The following SNTG2 variants were observed in gnomAD, a reference collection of about 807,000 sequenced individuals.
SNTG2 encodes the protein syntrophin gamma 2, also known as gamma-2-syntrophin.
A neutral mutation model predicts 70.9 loss-of-function variants in SNTG2; 74 were observed. That is an observed-to-expected ratio of 1.04 (90% CI 0.86 to 1.27). SNTG2 has a LOEUF of 1.27. SNTG2 is among the 50% of genes most tolerant of loss of function. The pLI is 0.00. For synonymous variants in SNTG2, 278 were observed against 273.8 expected, an observed-to-expected ratio of 1.02 and a Z score of -0.15; for missense variants, 717 against 690.7, an observed-to-expected ratio of 1.04 and a Z score of -0.43.
chr2:1,183,853 A>G (rs943335460), intron 8 of SNTG2, among the ~76,000 whole-genome samples: 2 of 152,260 alleles, frequency 1.3e-5, no homozygotes, highest in Non-Finnish European at 2.9e-5. Context: ...CATTAAAAAA[A>G]GAGTTTTTCC....
chr2:1,048,931 A>G (rs4488692), intron 1 of SNTG2, among the ~76,000 whole-genome samples: 22,294 of 152,116 alleles, frequency 0.15, 2,176 homozygotes, highest in African/African-American at 0.27. Context: ...ATCATGCTGC[A>G]CACCTTTCTA....
At chr2:985,948 A>G (rs1661299215) in intron 1 of SNTG2, among the ~76,000 whole-genome samples, 1 of 152,074 alleles carries the variant, frequency 6.6e-6, no homozygotes, top group Non-Finnish European at 1.5e-5. Context: ...TGGAGACCCA[A>G]CCTATTTTTA....
chr2:1,255,823 TATATATATAAATATATATAA>T (rs750209235), intron 12 of SNTG2, among the ~76,000 whole-genome samples: 24 of 73,286 alleles, frequency 3.3e-4, no homozygotes, highest in Admixed American at 7.7e-4. Flanking sequence ...GTTGTATGTA[TATATATATAAATATATATAA>T]ATATATATAA....
chr2:1,222,534 G>A (rs193273418), intron 9 of SNTG2, among the ~76,000 whole-genome samples: 1,679 of 125,642 alleles, frequency 0.013, 12 homozygotes, highest in African/African-American at 0.029. Context: ...TGCTGCTGGA[G>A]GTGCTGGATC....
At chr2:1,231,177 C>T (rs1192136124) in intron 9 of SNTG2, among the ~76,000 whole-genome samples, 1 of 151,766 alleles carries the variant, frequency 6.6e-6, no homozygotes, top group South Asian at 2.1e-4. Context: ...AGTGCCTCTT[C>T]CATAGGGTCA....
chr2:1,290,316 CCT>C (rs1491218848), intron 14 of SNTG2, among the ~76,000 whole-genome samples: 1 of 117,772 alleles, frequency 8.5e-6, no homozygotes, highest in Non-Finnish European at 1.9e-5. Flanking sequence ...AGTTCTACAT[CCT>C]TTTTTTTTTT....
chr2:1,164,866 A>T (rs1050516450), intron 6 of SNTG2, among the ~76,000 whole-genome samples: 4 of 152,252 alleles, frequency 2.6e-5, no homozygotes, highest in African/African-American at 9.6e-5. Context: ...GAGGAGGGTT[A>T]TGCATTATGG....
chr2:969,550 T>C (rs1431843358), intron 1 of SNTG2, among the ~76,000 whole-genome samples: 1 of 152,238 alleles, frequency 6.6e-6, no homozygotes, highest in Non-Finnish European at 1.5e-5. Context: ...AACAGTGTTA[T>C]CTAATTCTTA....
At position 1,337,059 on chromosome 2, in the gene SNTG2, T is replaced by G. The variant is rs140550834; in HGVS notation, c.1488+20684T>G. On this transcript the variant is annotated intron_variant, in intron 16 of 16. Coordinates refer to ENST00000308624, the MANE Select transcript of SNTG2 (RefSeq NM_018968.4). ...ATTGCTTTGGCCATAGTTTCTTTTC[T>G]TTTTTAGGTTGAATAATATTCCATT... 5.2e-3 allele frequency among the ~76,000 whole-genome samples: 795 copies of G among 152,290 alleles called. 7 individuals are homozygous for G. The highest frequency in any genetic ancestry group is 0.018 in the African/African-American group (743 of 41,576).
chr2:1,275,163 C>T (rs934623595), intron 14 of SNTG2, among the ~76,000 whole-genome samples: 48 of 152,322 alleles, frequency 3.2e-4, no homozygotes, highest in African/African-American at 9.6e-4. Flanking sequence ...CCCACCAGGG[C>T]GGAGCCATCA....
intron 8 of SNTG2, among the ~76,000 whole-genome samples, chr2:1,191,957 A>T (rs980813906): frequency 6.6e-6 from 1 of 152,148 alleles, no homozygotes; most frequent in African/African-American, 2.4e-5. Context: ...CTGATAGAAA[A>T]GTTGATAGAC....
At chr2:1,229,016 G>A (rs963637972) in intron 9 of SNTG2, among the ~76,000 whole-genome samples, 1 of 152,152 alleles carries the variant, frequency 6.6e-6, no homozygotes, top group Non-Finnish European at 1.5e-5. Context: ...GGCTTCAGGA[G>A]TGAAGCTGCA....
intron 2 of SNTG2, among the ~76,000 whole-genome samples, chr2:1,091,370 G>A (rs1372036432): frequency 6.6e-6 from 1 of 152,220 alleles, no homozygotes; most frequent in East Asian, 1.9e-4. Flanking sequence ...GGACAGCTTA[G>A]GGTGGAAAAG....
chr2:1,279,171 C>A (rs563873282), intron 14 of SNTG2, among the ~76,000 whole-genome samples: 9 of 152,030 alleles, frequency 5.9e-5, no homozygotes, highest in South Asian at 2.1e-4. Context: ...AGGCTGCACA[C>A]CACCCAGTAG....
At chr2:1,136,844 T>C (rs2148329679) in intron 4 of SNTG2, among the ~76,000 whole-genome samples, 1 of 152,234 alleles carries the variant, frequency 6.6e-6, no homozygotes, top group African/African-American at 2.4e-5. Flanking sequence ...TCATACAAAG[T>C]TTTTCTCTTT....
chr2:1,273,237 A>C (rs1234262901), intron 14 of SNTG2, among the ~76,000 whole-genome samples: 2 of 152,178 alleles, frequency 1.3e-5, no homozygotes, highest in Admixed American at 1.3e-4. Context: ...TTCTGGACTT[A>C]GGTTTGCTCT....
In SNTG2 at chr2:1,138,392, C is replaced by T. The variant is rs1459972779; in HGVS notation, c.411+583C>T. 3.9e-5 allele frequency among the ~76,000 whole-genome samples: 6 copies of T among 152,140 alleles called. No homozygotes were observed. The East Asian group carries it at 7.7e-4, about 20-fold the overall frequency. On this transcript the variant is annotated intron_variant, in intron 6 of 16. Transcript: ENST00000308624. Reference sequence around the variant, plus strand: ...CGTCAGGTTAGGCGGATGAAACAGACGTCTATCCCCGAGGTACTCATTCTG... The same window carrying T: ...CGTCAGGTTAGGCGGATGAAACAGATGTCTATCCCCGAGGTACTCATTCTG...
intron 1 of SNTG2, among the ~76,000 whole-genome samples, chr2:964,261 A>G (rs1660453977): frequency 6.6e-6 from 1 of 152,102 alleles, no homozygotes; most frequent in Admixed American, 6.6e-5. Context: ...GTTGTGTGGA[A>G]AGTTTGTTGG....
chr2:1,159,909 T>G (rs535782092), intron 6 of SNTG2, among the ~76,000 whole-genome samples: 3 of 152,274 alleles, frequency 2.0e-5, no homozygotes, highest in African/African-American at 7.2e-5. Context: ...ACTAAGAAAC[T>G]ACTCAACAGG....
Sources: allele counts gnomAD v4.1 joint callset (sites outside exome capture counted in the v4.1 genomes callset), GRCh38; gene constraint gnomAD v4.1.1; transcripts MANE v1.5; gene names NCBI Gene and HGNC (gene_info 2026-07-23, HGNC 2026-07-21).